The following TNFRSF21 variants were observed in gnomAD, a reference collection of about 807,000 sequenced individuals.
TNFRSF21 encodes tumor necrosis factor receptor superfamily member 21.
Under a neutral mutation model 45.6 loss-of-function variants are expected in TNFRSF21, and 19 were observed. The ratio of observed to expected loss-of-function variants is 0.42; its 90% confidence interval spans 0.29 to 0.61. The LOEUF is 0.61. Among genes scored for constraint, TNFRSF21 ranks in the 20% least tolerant of loss-of-function variants. The pLI, the probability that TNFRSF21 is intolerant of heterozygous loss-of-function variation, is 0.23. For missense variants in TNFRSF21, 737 were observed against 851.5 expected, an observed-to-expected ratio of 0.87 and a Z score of 1.67; for synonymous variants, 314 against 335.5, an observed-to-expected ratio of 0.94 and a Z score of 0.70.
At chr6:47,264,348 C>T (rs924740491) in intron 3 of TNFRSF21, among the ~76,000 whole-genome samples, 5 of 152,046 alleles carry the variant, frequency 3.3e-5, no homozygotes, top group Admixed American at 2.6e-4. Flanking sequence ...GCCGACATGG[C>T]GAAACCCTGT....
chr6:47,300,923 C>T (rs1215560546), intron 1 of TNFRSF21, among the ~76,000 whole-genome samples: 1 of 152,184 alleles, frequency 6.6e-6, no homozygotes, highest in African/African-American at 2.4e-5. Context: ...AAATATATCT[C>T]TGTAAGATAA....
chr6:47,298,845 G>C (rs1488648440), intron 1 of TNFRSF21, among the ~76,000 whole-genome samples: 1 of 152,134 alleles, frequency 6.6e-6, no homozygotes, highest in Non-Finnish European at 1.5e-5. Context: ...TCTCAGAAAG[G>C]CACAATCAAT....
chr6:47,251,234 A>G (rs751050819), intron 4 of TNFRSF21, among the ~76,000 whole-genome samples: 4 of 152,236 alleles, frequency 2.6e-5, no homozygotes, highest in Non-Finnish European at 4.4e-5. Context: ...ACATTGATGT[A>G]TATTGTTGAA....
At chr6:47,283,892 A>T (rs754236484) in intron 3 of TNFRSF21, 46 bp downstream of exon 3, 1 of 1,564,636 alleles carries the variant, frequency 6.4e-7, no homozygotes, top group Non-Finnish European at 8.6e-7. Context: ...CTAGGGAAAA[A>T]GTGGTAGAGA....
rs1448154371 is a variant in TNFRSF21, at chr6:47,246,641, T to C, written c.1509+6615A>G. Among the ~76,000 whole-genome samples the C allele has an allele frequency of 3.9e-5, 6 of 152,244 alleles. No individual in the cohort carries two copies. In the South Asian group the frequency reaches 1.2e-3, roughly 32 times the overall value. On this transcript the variant is annotated intron_variant, in intron 4 of 5. Coordinates refer to ENST00000296861, the MANE Select transcript of TNFRSF21 (RefSeq NM_014452.5). ...AAATATTACAGAACAGTTAAGGGTT[T>C]CTAAAAAGCTTGCTACTGAGCAAAA...
intron 1 of TNFRSF21, among the ~76,000 whole-genome samples, chr6:47,295,154 C>G (rs768316924): frequency 1.3e-5 from 2 of 152,146 alleles, no homozygotes; most frequent in South Asian, 2.1e-4. Flanking sequence ...CAGCATTCAC[C>G]CTGGTGAGCC....
intron 3 of TNFRSF21, among the ~76,000 whole-genome samples, chr6:47,281,454 C>T (rs1366559733): frequency 6.6e-6 from 1 of 151,618 alleles, no homozygotes; most frequent in East Asian, 1.9e-4. Context: ...GATCCTGGCT[C>T]ACTGCAACCT....
intron 1 of TNFRSF21, among the ~76,000 whole-genome samples, chr6:47,296,283 C>A (rs938179975): frequency 1.3e-5 from 2 of 152,160 alleles, no homozygotes; most frequent in Non-Finnish European, 1.5e-5. Flanking sequence ...CATAAAAGCA[C>A]GCATAAACAA....
At chr6:47,276,726 ATC>A (rs1406637735) in intron 3 of TNFRSF21, among the ~76,000 whole-genome samples, 1 of 152,212 alleles carries the variant, frequency 6.6e-6, no homozygotes, top group Non-Finnish European at 1.5e-5. Flanking sequence ...CTCTTAAAAT[ATC>A]TCCTAACTTG....
At chr6:47,278,969 C>T (rs544706012) in intron 3 of TNFRSF21, among the ~76,000 whole-genome samples, 80 of 152,326 alleles carry the variant, frequency 5.3e-4, no homozygotes, top group African/African-American at 1.6e-3. Flanking sequence ...CAGGTTTAAA[C>T]GAGGTATACC....
intron 2 of TNFRSF21, among the ~76,000 whole-genome samples, chr6:47,284,941 G>A (rs1166180895): frequency 3.3e-5 from 5 of 152,204 alleles, no homozygotes; most frequent in African/African-American, 1.2e-4. Context: ...GCAAATAAGA[G>A]CATCTGTTAT....
rs780111880 is a variant in TNFRSF21 at position 47,253,244 on chromosome 6, G to C, written c.1509+12C>G. 3 of 1,610,592 alleles carry C rather than the reference G, an allele frequency of 1.9e-6. No individual in the cohort carries two copies. In the Admixed American group the frequency reaches 5.0e-5, roughly 27 times the overall value. ...GGTCGGTGGTAATGACACACAACAA[G>C]GGCTCCATTACCTGGGTGGTGTCTT... On this transcript the variant is annotated intron_variant, in intron 4 of 5. Coordinates refer to ENST00000296861, the MANE Select transcript of TNFRSF21 (RefSeq NM_014452.5).
chr6:47,276,525 A>T (rs568849597), intron 3 of TNFRSF21, among the ~76,000 whole-genome samples: 1 of 152,234 alleles, frequency 6.6e-6, no homozygotes, highest in Non-Finnish European at 1.5e-5. Context: ...AGAGATGACA[A>T]GTCTATGGCA....
chr6:47,235,024 G>T, intron 4 of TNFRSF21, 126 bp from the exon 5 acceptor site: 1 of 504,752 alleles, frequency 2.0e-6, no homozygotes, highest in South Asian at 5.1e-5. Context: ...CACTTCAGTT[G>T]ACCTTAACTT....
chr6:47,237,028 A>T (rs967074106), intron 4 of TNFRSF21, among the ~76,000 whole-genome samples: 1 of 152,134 alleles, frequency 6.6e-6, no homozygotes, highest in Non-Finnish European at 1.5e-5. Flanking sequence ...TAAGCACATG[A>T]TTTCCGACAT....
At chr6:47,258,869 T>C (rs1765028345) in intron 3 of TNFRSF21, among the ~76,000 whole-genome samples, 1 of 152,198 alleles carries the variant, frequency 6.6e-6, no homozygotes, top group South Asian at 2.1e-4. Context: ...GTCTCTGTCA[T>C]GACTCCTCAG....
intron 3 of TNFRSF21, among the ~76,000 whole-genome samples, chr6:47,260,172 T>C (rs1208771287): frequency 2.6e-5 from 4 of 152,168 alleles, no homozygotes. Context: ...ACTGGGATTA[T>C]TGGTGCTGAA....
intron 4 of TNFRSF21, among the ~76,000 whole-genome samples, chr6:47,236,912 T>G (rs140792088): frequency 6.6e-6 from 1 of 152,174 alleles, no homozygotes; most frequent in East Asian, 1.9e-4. Context: ...ACAAATCACA[T>G]GCCAATGAGC....
intron 3 of TNFRSF21, among the ~76,000 whole-genome samples, chr6:47,271,755 G>A (rs1762422845): frequency 6.6e-6 from 1 of 152,044 alleles, no homozygotes; most frequent in South Asian, 2.1e-4. Flanking sequence ...TTGTTGTGCT[G>A]TATTCAGGAG....
Sources: allele counts gnomAD v4.1 joint callset (sites outside exome capture counted in the v4.1 genomes callset), GRCh38; gene constraint gnomAD v4.1.1; transcripts MANE v1.5; gene names NCBI Gene and HGNC (gene_info 2026-07-23, HGNC 2026-07-21).